SMAP2: variants seen among roughly 807,000 people sequenced by gnomAD.
SMAP2 encodes stromal membrane-associated protein 2.
In SMAP2, 25 loss-of-function variants were observed where a neutral mutation model predicts 56.4. That is an observed-to-expected ratio of 0.44 (90% CI 0.32 to 0.62). SMAP2 has a LOEUF of 0.62. Ranked by LOEUF, SMAP2 falls within the 20% of genes least tolerant of loss-of-function variation. The pLI, the probability that SMAP2 is intolerant of heterozygous loss-of-function variation, is 0.04. For missense variants in SMAP2, 388 were observed against 545.6 expected, an observed-to-expected ratio of 0.71 and a Z score of 2.88; for synonymous variants, 157 against 181.7, an observed-to-expected ratio of 0.86 and a Z score of 1.09.
chr1:40,394,044 C>T (rs1231755955), intron 1 of SMAP2, among the ~76,000 whole-genome samples: 2 of 152,150 alleles, frequency 1.3e-5, no homozygotes, highest in Non-Finnish European at 1.5e-5. Flanking sequence ...AGATTTTTAG[C>T]TGGCTCTCTT....
chr1:40,400,032 C>CTGGGGAGCCAAGGAAAGACTCCTT (rs1644816575), intron 1 of SMAP2, among the ~76,000 whole-genome samples: 1 of 152,170 alleles, frequency 6.6e-6, no homozygotes, highest in Non-Finnish European at 1.5e-5. Flanking sequence ...CGGGTTTAGA[C>CTGGGGAGCCAAGGAAAGACTCCTT]TGGGGAGCCA....
intron 1 of SMAP2, among the ~76,000 whole-genome samples, chr1:40,389,751 C>T (rs1168145063): frequency 1.3e-5 from 2 of 152,166 alleles, no homozygotes; most frequent in Non-Finnish European, 2.9e-5. Context: ...TCCTTTAGCC[C>T]TTTTGTGGGA....
intron 1 of SMAP2, among the ~76,000 whole-genome samples, chr1:40,351,237 T>G (rs1644407788): frequency 6.6e-6 from 1 of 152,108 alleles, no homozygotes; most frequent in African/African-American, 2.4e-5. Flanking sequence ...GAGAGGTTAT[T>G]GGAGAGAGGA....
rs1644514729 is a variant in SMAP2, at chr1:40,373,762, A to C, written c.-359A>C. ...GCGGAGCTGACGGCAGCTGCCAGGG[A>C]AACCGAGGCGCGGGACGCAAGGCCA... On this transcript the variant is annotated 5_prime_UTR_variant, in exon 1 of 10. Coordinates refer to ENST00000372718, the MANE Select transcript of SMAP2 (RefSeq NM_022733.3). The C allele has an allele frequency of 5.3e-6, 1 of 188,264 alleles. No individual in the cohort carries two copies. The highest frequency in any genetic ancestry group is 1.1e-5 in the Non-Finnish European group (1 of 90,194). The allele number at this position is 188,264 out of a possible 1,614,324, so 11.7% of individuals were successfully genotyped here.
At chr1:40,394,087 G>A (rs973586853) in intron 1 of SMAP2, among the ~76,000 whole-genome samples, 20 of 152,088 alleles carry the variant, frequency 1.3e-4, no homozygotes, top group African/African-American at 4.8e-4. Flanking sequence ...TCATATGCTT[G>A]TTTTCAAGAA....
intron 1 of SMAP2, among the ~76,000 whole-genome samples, chr1:40,345,341 C>T (rs899233624): frequency 1.3e-5 from 2 of 151,738 alleles, no homozygotes; most frequent in Non-Finnish European, 2.9e-5. Flanking sequence ...TGCAGTGAGC[C>T]ATGATCGTGC....
chr1:40,372,484 T>G (rs568630489), upstream of SMAP2, among the ~76,000 whole-genome samples: 2 of 152,158 alleles, frequency 1.3e-5, no homozygotes, highest in Non-Finnish European at 2.9e-5. Context: ...AAAATGGTTA[T>G]GGTAATACCT....
chr1:40,398,169 G>A (rs946526731), intron 1 of SMAP2, among the ~76,000 whole-genome samples: 2 of 152,024 alleles, frequency 1.3e-5, no homozygotes, highest in African/African-American at 4.8e-5. Flanking sequence ...CCATTATCCC[G>A]ATATAGTAAT....
chr1:40,365,935 A>G (rs1644479625), intron 2 of SMAP2, among the ~76,000 whole-genome samples: 1 of 147,860 alleles, frequency 6.8e-6, no homozygotes, highest in East Asian at 2.0e-4. Flanking sequence ...ACCAAAGGCA[A>G]AGAAGTTGAA....
chr1:40,419,682 A>T (rs1645024306), intron 9 of SMAP2, among the ~76,000 whole-genome samples: 1 of 152,284 alleles, frequency 6.6e-6, no homozygotes, highest in Non-Finnish European at 1.5e-5. Context: ...CAGTCATACC[A>T]GTAGGCAACT....
At chr1:40,414,520 T>C (rs1557464448) in intron 6 of SMAP2, among the ~76,000 whole-genome samples, 1 of 152,248 alleles carries the variant, frequency 6.6e-6, no homozygotes, top group Non-Finnish European at 1.5e-5. Context: ...ATGGGTAGTT[T>C]ACTTAACCTC....
At chr1:40,414,323 G>C (rs890523549) in intron 6 of SMAP2, 83 bp downstream of exon 6, 6 of 1,304,772 alleles carry the variant, frequency 4.6e-6, no homozygotes, top group South Asian at 2.5e-5. Context: ...TAGAGATGGG[G>C]TTCTCCAGTT....
chr1:40,354,401 C>T (rs1390723038), intron 1 of SMAP2, among the ~76,000 whole-genome samples: 3 of 152,094 alleles, frequency 2.0e-5, no homozygotes, highest in South Asian at 2.1e-4. Context: ...AGTGCAGTGG[C>T]GTGATCCCGG....
At chr1:40,393,109 A>AC (rs1207967237) in intron 1 of SMAP2, among the ~76,000 whole-genome samples, 10 of 151,482 alleles carry the variant, frequency 6.6e-5, no homozygotes, top group Admixed American at 1.3e-4. Context: ...CTCAAAAAAA[A>AC]AAAAAGTATA....
upstream of SMAP2, among the ~76,000 whole-genome samples, chr1:40,371,044 G>A (rs532262648): frequency 2.2e-4 from 34 of 152,044 alleles, no homozygotes; most frequent in African/African-American, 5.5e-4. Flanking sequence ...GTGGTGGCAC[G>A]TGCCTGTAGT....
intron 1 of SMAP2, among the ~76,000 whole-genome samples, chr1:40,378,144 A>G (rs946958912): frequency 2.0e-5 from 3 of 152,082 alleles, no homozygotes; most frequent in Non-Finnish European, 4.4e-5. Flanking sequence ...TTTTTTTTAG[A>G]GACGGGGTCT....
At chr1:40,380,529 C>CTTTTTTTTTTTTT (rs370625950) in intron 1 of SMAP2, among the ~76,000 whole-genome samples, 5 of 142,878 alleles carry the variant, frequency 3.5e-5, no homozygotes, top group African/African-American at 2.6e-5. Flanking sequence ...ATCTGTGGCA[C>CTTTTTTTTTTTTT]TTTTTTTTTT....
chr1:40,373,159 C>G (rs1273801954), upstream of SMAP2, among the ~76,000 whole-genome samples: 1 of 152,136 alleles, frequency 6.6e-6, no homozygotes, highest in East Asian at 1.9e-4. Flanking sequence ...CCAGGCCAAA[C>G]AATATCCAAA....
In SMAP2 at chr1:40,374,307, CT is replaced by C; in HGVS notation, c.103+86del. 1 of 1,161,334 alleles carries C rather than the reference CT, an allele frequency of 8.6e-7. No individual in the cohort carries two copies. The highest frequency in any genetic ancestry group is 1.3e-6 in the Non-Finnish European group (1 of 790,994). 71.9% of individuals were successfully genotyped at this position (1,161,334 alleles called of 1,614,324 possible). Reference sequence around the variant, plus strand: ...CTGCGTGAAGAGGCGGTTTCTGAAGCTTAGGCCGCCCAACTCGGCTTATAAG... The same window carrying C: ...CTGCGTGAAGAGGCGGTTTCTGAAGCTAGGCCGCCCAACTCGGCTTATAAG... On this transcript the variant is annotated intron_variant, in intron 1 of 9. Coordinates refer to ENST00000372718, the MANE Select transcript of SMAP2 (RefSeq NM_022733.3). This position sits in a 1 kb window ranked among gnomAD's most constrained non-coding sequence, Gnocchi z 5.9.
Sources: gnomAD v4.1 joint callset for allele counts (sites outside exome capture counted in the v4.1 genomes callset) on GRCh38, gnomAD v4.1.1 for gene constraint, Gnocchi (gnomAD v3.1) non-coding constraint, MANE v1.5 for transcripts, NCBI Gene and HGNC (gene_info 2026-07-23, HGNC 2026-07-21) for gene names.